TMEM67: variants seen among roughly 807,000 people sequenced by gnomAD.
TMEM67 encodes the protein transmembrane protein 67, also known as meckelin.
TMEM67 carries 124 observed loss-of-function variants against 136.6 expected under a neutral mutation model. That is an observed-to-expected ratio of 0.91 (90% CI 0.78 to 1.05). The LOEUF is 1.05. Ranked by LOEUF, TMEM67 falls within the 50% of genes least tolerant of loss-of-function variation. The pLI is 0.00. For missense variants in TMEM67, 1,107 were observed against 1,178.4 expected (o/e 0.94, Z 0.89); for synonymous variants, 364 against 390.5 (o/e 0.93, Z 0.80).
At chr8:93,781,961 C>T (rs963300676) in intron 10 of TMEM67, among the ~76,000 whole-genome samples, 1 of 151,852 alleles carries the variant, frequency 6.6e-6, no homozygotes, top group Non-Finnish European at 1.5e-5. Context: ...CTTTCTTAAC[C>T]AGGCTGGAGT....
Position 93,804,862 on chromosome 8 carries a change from A to G in TMEM67, c.2423A>G (p.Asn808Ser). ...ADTNMEEMNM[N>S]LKREAENLCS... ...ACTAATATGGAAGAAATGAATATGA[A>G]CCTTAAAAGAGAAGCGGTATGAAAA... The change falls in exon 23 of 28, where the codon AAC becomes AGC. Residue 808 changes from asparagine (N) to serine (S), a missense_variant. This residue lies in a region of TMEM67 where 925 missense variants were observed against 1,002.4 expected (regional missense o/e 0.92). Coordinates refer to ENST00000453321, the MANE Select transcript of TMEM67 (RefSeq NM_153704.6). The G allele has an allele frequency of 1.3e-6, 2 of 1,574,786 alleles. No homozygotes were observed. Among genetic ancestry groups the G allele is most frequent in the Non-Finnish European group, 1.7e-6 (2 of 1,144,354 alleles).
Position 93,799,677 on chromosome 8 carries a change from A to G in TMEM67, c.2160A>G (p.Pro720=). Residue 720 remains proline (P), a synonymous_variant, in exon 21 of 28, where the codon CCA becomes CCG. Transcript: ENST00000453321. ...CATCTTCTAGTCTTTCTAGAAACCCACCTAGCTACATAGCTCCTTATAGCT... is the reference window on the plus strand; with the variant it reads ...CATCTTCTAGTCTTTCTAGAAACCCGCCTAGCTACATAGCTCCTTATAGCT... ...MDSSSSLSRN[P]PSYIAPYSCI... is the part of the protein sequence containing the mutation. 4 of 1,613,806 alleles carry G rather than the reference A, an allele frequency of 2.5e-6. No homozygotes were observed. The highest frequency in any genetic ancestry group is 3.4e-6 in the Non-Finnish European group (4 of 1,179,848).
chr8:93,815,540 T>A, intron 27 of TMEM67, 93 bp downstream of exon 27: 1 of 1,153,004 alleles, frequency 8.7e-7, no homozygotes, highest in Non-Finnish European at 1.3e-6. Context: ...TAACAATGTC[T>A]ACTTTTACTA....
At position 93,763,836 on chromosome 8, in the gene TMEM67, G is replaced by A. The variant is rs1271174081; in HGVS notation, c.407-6G>A. 3 of 1,600,160 alleles carry A rather than the reference G, an allele frequency of 1.9e-6. No homozygotes were observed. Among genetic ancestry groups the A allele is most frequent in the South Asian group, 2.2e-5 (2 of 90,750 alleles). On this transcript the variant is annotated splice_region_variant and splice_polypyrimidine_tract_variant and intron_variant, in intron 3 of 27. Coordinates refer to ENST00000453321, the MANE Select transcript of TMEM67 (RefSeq NM_153704.6). Reference sequence around the variant, plus strand: ...TACATCTTTATTTTGTTTCTAAACTGTTCAGTGGAAAGAGACATTAATGGA... The same window carrying A: ...TACATCTTTATTTTGTTTCTAAACTATTCAGTGGAAAGAGACATTAATGGA...
the TMEM67 span, among the ~76,000 whole-genome samples, chr8:93,831,194 G>T: frequency 2.0e-5 from 3 of 152,202 alleles, no homozygotes; most frequent in South Asian, 6.2e-4. Context: ...CCATGTGAGT[G>T]GACCAGGCCT....
intron 21 of TMEM67, 85 bp from the exon 22 acceptor site, chr8:93,803,519 T>G: frequency 1.1e-6 from 1 of 887,674 alleles, no homozygotes; most frequent in Non-Finnish European, 1.9e-6. Flanking sequence ...TTGGAACTTT[T>G]TTTTCTTAAG....
At chr8:93,804,311 T>TTTTCTTTTC (rs386413370) in intron 22 of TMEM67, among the ~76,000 whole-genome samples, 15 of 86,290 alleles carry the variant, frequency 1.7e-4, no homozygotes, top group Middle Eastern at 5.1e-3. Context: ...TTTTCTTTTC[T>TTTTCTTTTC]TTTTTTTTTT....
chr8:93,782,571 GTTTTTT>G, intron 11 of TMEM67, 111 bp downstream of exon 11: 4 of 463,872 alleles, frequency 8.6e-6, no homozygotes, highest in African/African-American at 2.3e-5. Context: ...TTTATTCTTG[GTTTTTT>G]TTTTTTTTTT....
At chr8:93,813,336 AC>A (rs1333629151) in intron 26 of TMEM67, among the ~76,000 whole-genome samples, 1 of 151,842 alleles carries the variant, frequency 6.6e-6, no homozygotes, top group Admixed American at 6.6e-5. Context: ...CTGCCACCAC[AC>A]CTGGCTAATT....
intron 21 of TMEM67, among the ~76,000 whole-genome samples, chr8:93,800,130 T>C (rs1382349697): frequency 6.6e-6 from 1 of 152,044 alleles, no homozygotes; most frequent in Non-Finnish European, 1.5e-5. Flanking sequence ...AGGCTGGTCT[T>C]GAACTCCTGA....
In TMEM67 at chr8:93,809,685, A is replaced by G. The variant is rs184087664; in HGVS notation, c.2662-100A>G. ...TTTGAAGAACAGATTTTCTTTATAT[A>G]CTATTCATTTTTCATTTTCTCTCCT... On this transcript the variant is annotated intron_variant, in intron 25 of 27. Coordinates refer to ENST00000453321, the MANE Select transcript of TMEM67 (RefSeq NM_153704.6). 4,469 of 723,390 alleles carry G rather than the reference A, an allele frequency of 6.2e-3. 24 individuals carry two copies. Among genetic ancestry groups the G allele is most frequent in the Admixed American group, 0.013 (549 of 42,698 alleles). 44.8% of individuals were successfully genotyped at this position (723,390 alleles called of 1,614,324 possible). A position where few individuals can be genotyped will look rare whatever the true frequency, so the allele number is the denominator to read the frequency against.
chr8:93,790,908 C>T (rs996920634), intron 14 of TMEM67, among the ~76,000 whole-genome samples: 6 of 152,168 alleles, frequency 3.9e-5, no homozygotes, highest in African/African-American at 1.2e-4. Context: ...GATTAATCTG[C>T]GGTTTAGCAA....
At chr8:93,795,366 C>T (rs1814562078) in intron 16 of TMEM67, 43 bp from the exon 17 acceptor site, 12 of 1,495,230 alleles carry the variant, frequency 8.0e-6, no homozygotes, top group Middle Eastern at 1.7e-4. Context: ...GTGGTATATA[C>T]ATGGAGTCTT....
intron 20 of TMEM67, 125 bp from the exon 21 acceptor site, chr8:93,799,493 C>T: frequency 1.5e-6 from 1 of 684,730 alleles, no homozygotes; most frequent in South Asian, 2.0e-5. Flanking sequence ...AGATTTTCTA[C>T]TGTTTATACA....
intron 3 of TMEM67, chr8:93,760,013 A>G (rs1439984358): frequency 3.4e-6 from 5 of 1,459,942 alleles, no homozygotes; most frequent in Non-Finnish European, 4.6e-6. Context: ...ACTGAGGGAT[A>G]TGAAGGCAGG....
chr8:93,755,673 T>TTCTCAA, intron 1 of TMEM67, 105 bp from the exon 2 acceptor site: 2 of 776,280 alleles, frequency 2.6e-6, no homozygotes, highest in East Asian at 5.4e-5. Flanking sequence ...ATCACTATAC[T>TTCTCAA]GCTTCTCAAG....
chr8:93,758,218 A>G (rs1210630279), intron 2 of TMEM67, among the ~76,000 whole-genome samples: 4 of 152,254 alleles, frequency 2.6e-5, no homozygotes, highest in African/African-American at 7.2e-5. Context: ...AGAGGCATCC[A>G]TTTGAATTAA....
At chr8:93,803,502 C>A in intron 21 of TMEM67, 102 bp from the exon 22 acceptor site, 1 of 727,122 alleles carries the variant, frequency 1.4e-6, no homozygotes, top group South Asian at 1.5e-5. Context: ...GGCCACTGTG[C>A]TTTTGGTTGG....
intron 16 of TMEM67, 101 bp from the exon 17 acceptor site, chr8:93,795,308 C>T (rs1309005747): frequency 1.0e-6 from 1 of 976,834 alleles, no homozygotes; most frequent in Non-Finnish European, 1.7e-6. Flanking sequence ...AGGCTTCAGG[C>T]TTAAGAAATG....
Sources: allele counts gnomAD v4.1 joint callset (sites outside exome capture counted in the v4.1 genomes callset), GRCh38; gene constraint gnomAD v4.1.1; regional missense constraint gnomAD v4.1.1; transcripts MANE v1.5; gene names NCBI Gene and HGNC (gene_info 2026-07-23, HGNC 2026-07-21).